The following UNC79 variants were observed in gnomAD, a reference collection of about 807,000 sequenced individuals.
UNC79 encodes the protein protein unc-79 homolog.
A neutral mutation model predicts 283.1 loss-of-function variants in UNC79; 37 were observed. The observed-to-expected ratio is 0.13, with a 90% CI of 0.10 to 0.17. The LOEUF (loss-of-function observed/expected upper bound fraction) is 0.17. Among genes scored for constraint, UNC79 ranks in the 10% least tolerant of loss-of-function variants. The probability of loss-of-function intolerance (pLI) is 1.00; values close to 1 mark genes in which losing one functional copy is unlikely to be tolerated. For missense variants in UNC79, 2,272 were observed against 3,211.1 expected (o/e 0.71, Z 7.07); for synonymous variants, 1,107 against 1,200.2 (o/e 0.92, Z 1.61).
chr14:93,550,534 A>AAAC (rs2061836403), intron 14 of UNC79, among the ~76,000 whole-genome samples: 2 of 13,578 alleles, frequency 1.5e-4, no homozygotes, highest in Non-Finnish European at 3.9e-4. Context: ...AAAAAAAAAA[A>AAAC]AAAAAAAGAG....
At chr14:93,527,934 A>G (rs1249057591) in intron 8 of UNC79, among the ~76,000 whole-genome samples, 3 of 151,996 alleles carry the variant, frequency 2.0e-5, no homozygotes, top group Non-Finnish European at 4.4e-5. Flanking sequence ...AGCTGTATCA[A>G]CCAGTTCCAG....
Position 93,705,647 on chromosome 14 carries a change from C to T in UNC79, c.7590+981C>T, listed in dbSNP as rs574949059. Among the ~76,000 whole-genome samples the T allele has an allele frequency of 5.9e-5, 9 of 152,358 alleles. No individual in the cohort carries two copies. In the South Asian group the frequency reaches 1.5e-3, roughly 25 times the overall value. ...CAGCCCCAGGCTTTGCCTTGACTGG[C>T]GCTTTGTCATTGTAGGGGCAAACAT... On this transcript the variant is annotated intron_variant, in intron 48 of 48. Coordinates refer to ENST00000555664, the Ensembl canonical transcript of UNC79.
At chr14:93,493,742 G>A (rs1262450919) in intron 5 of UNC79, among the ~76,000 whole-genome samples, 2 of 151,526 alleles carry the variant, frequency 1.3e-5, no homozygotes, top group Admixed American at 1.3e-4. Flanking sequence ...TGGTTCTGTA[G>A]GCTGTACAGG....
chr14:93,517,878 A>T (rs2060140553), intron 7 of UNC79, among the ~76,000 whole-genome samples: 1 of 149,858 alleles, frequency 6.7e-6, no homozygotes, highest in Non-Finnish European at 1.5e-5. Flanking sequence ...TAGAATTTCC[A>T]TTTGGTCCAT....
chr14:93,447,808 T>C (rs945535446), intron 1 of UNC79, among the ~76,000 whole-genome samples: 1 of 152,192 alleles, frequency 6.6e-6, no homozygotes, highest in African/African-American at 2.4e-5. Context: ...AAAAATGTTA[T>C]TCCCTCTGGC....
chr14:93,704,114 C>T (rs759558297), intron 47 of UNC79, among the ~76,000 whole-genome samples: 1 of 152,160 alleles, frequency 6.6e-6, no homozygotes, highest in Admixed American at 6.5e-5. Context: ...TCCCACACTT[C>T]GCAGACACCC....
intron 1 of UNC79, among the ~76,000 whole-genome samples, chr14:93,424,082 T>G (rs2140076290): frequency 6.6e-6 from 1 of 152,262 alleles, no homozygotes; most frequent in Non-Finnish European, 1.5e-5. Flanking sequence ...TCAAAAAATG[T>G]CATACAAATG....
intron 10 of UNC79, among the ~76,000 whole-genome samples, chr14:93,529,889 A>G (rs1241232211): frequency 2.6e-5 from 4 of 152,206 alleles, no homozygotes; most frequent in Admixed American, 6.5e-5. Flanking sequence ...GCTATGCCCT[A>G]TAAGTTGGTA....
At chr14:93,570,664 C>G (rs761968905) in intron 14 of UNC79, among the ~76,000 whole-genome samples, 2 of 152,114 alleles carry the variant, frequency 1.3e-5, no homozygotes, top group Non-Finnish European at 2.9e-5. Flanking sequence ...AGCTGTGATA[C>G]TTTTTGTGTC....
At chr14:93,463,790 A>G (rs1301477911) in intron 1 of UNC79, among the ~76,000 whole-genome samples, 1 of 152,160 alleles carries the variant, frequency 6.6e-6, no homozygotes, top group Non-Finnish European at 1.5e-5. Context: ...TTAAGTGGAG[A>G]TAGATCCAAG....
chr14:93,371,696 C>T (rs1036078322), intron 1 of UNC79, among the ~76,000 whole-genome samples: 1 of 151,008 alleles, frequency 6.6e-6, no homozygotes, highest in African/African-American at 2.4e-5. Flanking sequence ...AAAAAATTAG[C>T]CGGGCGTGGT....
At chr14:93,442,520 A>G (rs2056336015) in intron 1 of UNC79, among the ~76,000 whole-genome samples, 1 of 152,146 alleles carries the variant, frequency 6.6e-6, no homozygotes, top group Non-Finnish European at 1.5e-5. Context: ...TTATTTTGAA[A>G]TGTTAAATAT....
chr14:93,387,345 T>C (rs2054798978), intron 1 of UNC79, among the ~76,000 whole-genome samples: 1 of 151,200 alleles, frequency 6.6e-6, no homozygotes, highest in South Asian at 2.1e-4. Flanking sequence ...TTTTTTTGAA[T>C]TTTTTTTTCT....
At position 93,498,266 on chromosome 14, in the gene UNC79, CAAT is replaced by C. The variant is rs553061035; in HGVS notation, c.898+1001_898+1003del. ...TGGGTGACTGAGCCAGACTCTGTCTCAATAATAATAATAATAATAATAAATAAA... is the reference window on the plus strand; with the variant it reads ...TGGGTGACTGAGCCAGACTCTGTCTCAATAATAATAATAATAATAAATAAA... On this transcript the variant is annotated intron_variant, in intron 7 of 48. Transcript: ENST00000555664. 7.0e-4 allele frequency among the ~76,000 whole-genome samples: 105 copies of C among 150,460 alleles called. 2 individuals carry two copies. The South Asian group carries it at 0.019, about 28-fold the overall frequency.
At chr14:93,496,590 G>T (rs531996441) in intron 6 of UNC79, 124 bp downstream of exon 6, 1 of 549,940 alleles carries the variant, frequency 1.8e-6, no homozygotes, top group African/African-American at 2.0e-5. Flanking sequence ...TTTTGATGTG[G>T]CAGAACCTAT....
rs536063091 is a variant in UNC79, at chr14:93,401,513, G to GACAA, written c.-350-66157_-350-66154dup. Among the ~76,000 whole-genome samples the GACAA allele has an allele frequency of 9.3e-4, 142 of 152,306 alleles. 2 individuals carry two copies. Among genetic ancestry groups the GACAA allele is most frequent in the African/African-American group, 3.3e-3 (137 of 41,558 alleles). ...GCCTCTGGACTCCAGGCTGAAAGCA[G>GACAA]ACAACGCATTTCAGGTTTGAGTAGT... On this transcript the variant is annotated intron_variant, in intron 1 of 49. Coordinates refer to the UNC79 transcript ENST00000256339.
At chr14:93,649,314 C>T (rs953044044) in intron 35 of UNC79, among the ~76,000 whole-genome samples, 3 of 152,104 alleles carry the variant, frequency 2.0e-5, no homozygotes, top group African/African-American at 7.2e-5. Flanking sequence ...ATTTTCTTAA[C>T]ATTTTTTATG....
intron 3 of UNC79, among the ~76,000 whole-genome samples, chr14:93,476,080 C>A (rs1011338280): frequency 1.3e-5 from 2 of 152,030 alleles, no homozygotes; most frequent in African/African-American, 4.8e-5. Context: ...CTGGTCCCAC[C>A]CGGGGACTAG....
chr14:93,600,679 G>A, exon 25 of UNC79: 1 of 1,613,914 alleles, frequency 6.2e-7, no homozygotes, highest in East Asian at 2.2e-5. Context: ...TTCCTGCTCT[G>A]AGCTGGGAGT....
Sources: allele counts gnomAD v4.1 joint callset (sites outside exome capture counted in the v4.1 genomes callset), GRCh38; gene constraint gnomAD v4.1.1; transcripts MANE v1.5; gene names NCBI Gene and HGNC (gene_info 2026-07-23, HGNC 2026-07-21).